The following TEAD4 variants were observed in gnomAD, a reference collection of about 807,000 sequenced individuals.
The protein encoded by TEAD4 is transcriptional enhancer factor TEF-3.
Under a neutral mutation model 52.4 loss-of-function variants are expected in TEAD4, and 36 were observed. The observed-to-expected ratio is 0.69, with a 90% CI of 0.53 to 0.91. The LOEUF (loss-of-function observed/expected upper bound fraction) is 0.91. TEAD4 is among the 40% of genes least tolerant of loss of function. TEAD4 has a pLI of 0.00. For missense variants in TEAD4, 508 were observed against 583.9 expected, an observed-to-expected ratio of 0.87 and a Z score of 1.34; for synonymous variants, 220 against 231.0, an observed-to-expected ratio of 0.95 and a Z score of 0.43.
At chr12:2,962,481 G>T (rs891492516) in intron 2 of TEAD4, among the ~76,000 whole-genome samples, 2 of 151,450 alleles carry the variant, frequency 1.3e-5, no homozygotes, top group African/African-American at 4.8e-5. Flanking sequence ...AATTATAGGC[G>T]TGCGCCACCG....
At chr12:2,979,591 G>A (rs6489415) in intron 2 of TEAD4, among the ~76,000 whole-genome samples, 117,523 of 152,190 alleles carry the variant, frequency 0.77, 46,513 homozygotes, top group Non-Finnish European at 0.87. Context: ...GATACTGGGA[G>A]TAGTGATTTG....
At chr12:2,977,805 G>A (rs1190453639) in intron 2 of TEAD4, among the ~76,000 whole-genome samples, 2 of 152,208 alleles carry the variant, frequency 1.3e-5, no homozygotes, top group East Asian at 3.9e-4. Context: ...CTCAGCAAGA[G>A]GAAGGCACTC....
At chr12:2,962,266 ATATATATATTTATATATATTTATT>A in intron 2 of TEAD4, among the ~76,000 whole-genome samples, 1 of 139,838 alleles carries the variant, frequency 7.2e-6, no homozygotes, top group Middle Eastern at 3.9e-3. Flanking sequence ...CTAGTTTCAT[ATATATATATTTATATATATTTATT>A]TATATATATA....
intron 10 of TEAD4, among the ~76,000 whole-genome samples, chr12:3,032,014 G>C (rs560376002): frequency 3.6e-4 from 55 of 152,334 alleles, no homozygotes; most frequent in African/African-American, 1.2e-3. Flanking sequence ...GCAGCGTGGG[G>C]AGAGCAGACT....
intron 2 of TEAD4, among the ~76,000 whole-genome samples, chr12:2,988,212 CTG>C (rs1221633847): frequency 6.6e-6 from 1 of 151,958 alleles, no homozygotes. Context: ...TATTATGACA[CTG>C]TGAAATACAT....
At chr12:3,024,891 T>C (rs1218760517) in intron 10 of TEAD4, among the ~76,000 whole-genome samples, 2 of 118,046 alleles carry the variant, frequency 1.7e-5, no homozygotes, top group African/African-American at 2.9e-5. Flanking sequence ...TTCTCCTTTC[T>C]TCTGGAGATC....
chr12:2,986,418 A>G (rs1179249924), intron 2 of TEAD4, among the ~76,000 whole-genome samples: 2 of 151,902 alleles, frequency 1.3e-5, no homozygotes, highest in Non-Finnish European at 2.9e-5. Flanking sequence ...CGGGCCAATC[A>G]CCAGAGGTCA....
chr12:3,006,387 T>C (rs1032647833), intron 3 of TEAD4, among the ~76,000 whole-genome samples: 2 of 152,064 alleles, frequency 1.3e-5, no homozygotes, highest in Admixed American at 6.6e-5. Flanking sequence ...TCAACCAGTA[T>C]GTACAGTTTA....
chr12:2,972,549 G>A (rs372468964), intron 2 of TEAD4, among the ~76,000 whole-genome samples: 2 of 138,256 alleles, frequency 1.4e-5, no homozygotes. Flanking sequence ...GCCCAGGCTG[G>A]AGTGCAATGG....
rs753228454 is a variant in TEAD4, at chr12:3,040,467, G to C, written c.1294G>C (p.Val432Leu). ...GGCTCAGCACCACATCTACAGGCTG[G>C]TGAAAGAATGAGAGACTCGGGGAGC... is the stretch of plus-strand genomic sequence containing the variant. Residue 432 changes from valine (V) to leucine (L), a missense_variant, in exon 13 of 13, where the codon GTG becomes CTG. By Grantham distance (32) the Val-to-Leu change is conservative. Coordinates refer to ENST00000359864, the MANE Select transcript of TEAD4 (RefSeq NM_003213.4). The C allele has an allele frequency of 6.2e-7, 1 of 1,614,104 alleles. No homozygotes were observed. Among genetic ancestry groups the C allele is most frequent in the South Asian group, 1.1e-5 (1 of 91,074 alleles).
chr12:3,037,709 A>G (rs576678439), intron 10 of TEAD4, among the ~76,000 whole-genome samples: 1 of 152,322 alleles, frequency 6.6e-6, no homozygotes, highest in South Asian at 2.1e-4. Context: ...GGGTGTGTTA[A>G]TATCTGGGCA....
chr12:2,977,563 G>C (rs1231691661), intron 2 of TEAD4, among the ~76,000 whole-genome samples: 3 of 152,158 alleles, frequency 2.0e-5, no homozygotes, highest in African/African-American at 7.2e-5. Flanking sequence ...GGCTTTACTT[G>C]CTTTTCTCAA....
chr12:2,985,955 C>T (rs1290440416), intron 2 of TEAD4, among the ~76,000 whole-genome samples: 3 of 151,898 alleles, frequency 2.0e-5, no homozygotes, highest in African/African-American at 4.8e-5. Flanking sequence ...GGCATGGCGG[C>T]GGTTGCCTGT....
chr12:3,009,578 A>G (rs1013730320), intron 3 of TEAD4, among the ~76,000 whole-genome samples: 2 of 152,196 alleles, frequency 1.3e-5, no homozygotes, highest in African/African-American at 2.4e-5. Flanking sequence ...GCCCTACTTC[A>G]TTCACCCACC....
chr12:2,962,671 T>C (rs891081258), intron 2 of TEAD4, among the ~76,000 whole-genome samples: 3 of 151,814 alleles, frequency 2.0e-5, no homozygotes, highest in Non-Finnish European at 4.4e-5. Context: ...GATTTCGCCA[T>C]GTTTGCCATG....
intron 4 of TEAD4, 25 bp downstream of exon 4, chr12:3,011,093 G>A: frequency 6.2e-7 from 1 of 1,613,708 alleles, no homozygotes; most frequent in South Asian, 1.1e-5. Context: ...ACGGGTAGGG[G>A]TCCCGGGGGT....
chr12:2,999,204 G>C (rs1347503758), intron 3 of TEAD4, among the ~76,000 whole-genome samples: 1 of 152,040 alleles, frequency 6.6e-6, no homozygotes, highest in Non-Finnish European at 1.5e-5. Flanking sequence ...TCTTCCCTTG[G>C]GGCATCTGCG....
chr12:2,960,258 GA>G, intron 2 of TEAD4: 1 of 983,890 alleles, frequency 1.0e-6, no homozygotes, highest in Non-Finnish European at 1.2e-6. Flanking sequence ...AAGGACCGGA[GA>G]GGCAGAACCG....
intron 2 of TEAD4, among the ~76,000 whole-genome samples, chr12:2,961,212 G>C (rs1344248915): frequency 6.6e-6 from 1 of 152,070 alleles, no homozygotes; most frequent in Admixed American, 6.6e-5. Flanking sequence ...ATACCAGCCT[G>C]AACTACTTTT....
Sources: allele counts gnomAD v4.1 joint callset (sites outside exome capture counted in the v4.1 genomes callset), GRCh38; gene constraint gnomAD v4.1.1; transcripts MANE v1.5; gene names NCBI Gene and HGNC (gene_info 2026-07-23, HGNC 2026-07-21).